The following C10orf90 variants were observed in gnomAD, a reference collection of about 807,000 sequenced individuals.
The protein encoded by C10orf90 is chromosome 10 open reading frame 90.
C10orf90 carries 56 observed loss-of-function variants against 62.5 expected under a neutral mutation model. The ratio of observed to expected loss-of-function variants is 0.90; its 90% CI spans 0.72 to 1.12. The LOEUF (loss-of-function observed/expected upper bound fraction) is 1.12. Ranked by LOEUF, C10orf90 falls within the 50% of genes most tolerant of loss-of-function variation. The probability of loss-of-function intolerance (pLI) is 0.00; values close to 1 mark genes in which losing one functional copy is unlikely to be tolerated. For missense variants in C10orf90, 970 were observed against 880.4 expected (o/e 1.10, Z -1.29); for synonymous variants, 386 against 340.4 (o/e 1.13, Z -1.47).
chr10:126,468,362 T>C (rs1001382046), intron 4 of C10orf90, among the ~76,000 whole-genome samples: 2 of 152,216 alleles, frequency 1.3e-5, no homozygotes, highest in Non-Finnish European at 2.9e-5. Context: ...CCGCCGCGCC[T>C]GGCCAAAAGC....
chr10:126,566,863 C>T (rs753910495), intron 2 of C10orf90, among the ~76,000 whole-genome samples: 15 of 152,082 alleles, frequency 9.9e-5, no homozygotes, highest in African/African-American at 3.4e-4. Flanking sequence ...GAGCACACAT[C>T]GGGAAGACAG....
At chr10:126,563,607 T>C (rs1049367632) in intron 2 of C10orf90, among the ~76,000 whole-genome samples, 2 of 152,172 alleles carry the variant, frequency 1.3e-5, no homozygotes, top group African/African-American at 4.8e-5. Flanking sequence ...CCAATCCACA[T>C]TGATGGCTGT....
intron 2 of C10orf90, among the ~76,000 whole-genome samples, chr10:126,628,962 C>T (rs919562487): frequency 6.6e-6 from 1 of 152,208 alleles, no homozygotes; most frequent in Non-Finnish European, 1.5e-5. Context: ...TACCCCGTGG[C>T]ACACCCTGGC....
At chr10:126,667,347 C>T (rs985374038) in intron 1 of C10orf90, among the ~76,000 whole-genome samples, 1 of 152,106 alleles carries the variant, frequency 6.6e-6, no homozygotes, top group African/African-American at 2.4e-5. Context: ...CGTGAGCCAC[C>T]ACACCCAGCT....
chr10:126,609,540 A>G (rs1845387014), intron 2 of C10orf90, among the ~76,000 whole-genome samples: 1 of 152,216 alleles, frequency 6.6e-6, no homozygotes, highest in African/African-American at 2.4e-5. Flanking sequence ...ATCAACAGGT[A>G]CTGGGGAAAC....
intron 2 of C10orf90, chr10:126,524,802 C>T (rs559623695): frequency 9.1e-6 from 9 of 985,364 alleles, no homozygotes; most frequent in African/African-American, 7.0e-5. Flanking sequence ...TGGGGGCCAT[C>T]GAGGGAGGGC....
intron 2 of C10orf90, among the ~76,000 whole-genome samples, chr10:126,559,640 G>A (rs2133986174): frequency 6.6e-6 from 1 of 152,220 alleles, no homozygotes; most frequent in East Asian, 1.9e-4. Flanking sequence ...AGTGCTGGTG[G>A]AATTGATCGG....
At chr10:126,499,813 C>T (rs903725138) in intron 4 of C10orf90, among the ~76,000 whole-genome samples, 2 of 152,272 alleles carry the variant, frequency 1.3e-5, no homozygotes, top group East Asian at 1.9e-4. Context: ...ATGTGGACAG[C>T]GTATTCACTA....
intron 2 of C10orf90, among the ~76,000 whole-genome samples, chr10:126,529,327 A>C (rs1864032438): frequency 6.6e-6 from 1 of 152,204 alleles, no homozygotes; most frequent in African/African-American, 2.4e-5. Flanking sequence ...TGTCTTTAGA[A>C]TATTCCCAAA....
In C10orf90 at chr10:126,504,678, G is replaced by T; in HGVS notation, c.813C>A (p.Phe271Leu). ...CATTGGCCAGAGCCGGGGGCGCCTG[G>T]AACAGTGTGTCCTCAGCCCTGCACT... The part of the protein sequence containing the change: ...CPKCRAEDTL[F>L]QAPPALANGA... Residue 271 changes from phenylalanine to leucine, a missense_variant, in exon 4 of 10, where the codon TTC (phenylalanine) becomes TTA (leucine). Transcript: ENST00000488181. This position sits in a 1 kb window ranked among gnomAD's most constrained non-coding sequence, Gnocchi z 4.1. 6.2e-7 allele frequency: 1 copy of T among 1,614,086 alleles called. No homozygotes were observed. Among genetic ancestry groups the T allele is most frequent in the Non-Finnish European group, 8.5e-7 (1 of 1,179,992 alleles).
At chr10:126,615,608 C>T (rs1238057886) in intron 2 of C10orf90, among the ~76,000 whole-genome samples, 1 of 151,994 alleles carries the variant, frequency 6.6e-6, no homozygotes, top group Non-Finnish European at 1.5e-5. Flanking sequence ...ATGTTTTACC[C>T]CCCTAAGCTT....
chr10:126,433,748 AAAAC>A (rs1857734609), intron 7 of C10orf90, among the ~76,000 whole-genome samples: 1 of 152,200 alleles, frequency 6.6e-6, no homozygotes, highest in African/African-American at 2.4e-5. Context: ...AAAACAAAAC[AAAAC>A]AGAGAAATCC....
At chr10:126,454,919 T>C (rs1023778034) in intron 7 of C10orf90, among the ~76,000 whole-genome samples, 2 of 152,084 alleles carry the variant, frequency 1.3e-5, no homozygotes, top group Non-Finnish European at 1.5e-5. Context: ...GAGAGGCCCT[T>C]GGGTTGGAGT....
At chr10:126,629,106 T>C (rs533453325) in intron 2 of C10orf90, among the ~76,000 whole-genome samples, 118 of 152,302 alleles carry the variant, frequency 7.7e-4, no homozygotes, top group African/African-American at 2.7e-3. Flanking sequence ...CTCATCAGGA[T>C]TGGAAGACAG....
chr10:126,533,311 A>C (rs1348022346), intron 2 of C10orf90, among the ~76,000 whole-genome samples: 10 of 152,126 alleles, frequency 6.6e-5, no homozygotes, highest in Admixed American at 5.9e-4. Flanking sequence ...TCTTGGCTTC[A>C]TAGATAATAT....
At chr10:126,472,050 C>T (rs1860612341) in intron 4 of C10orf90, among the ~76,000 whole-genome samples, 1 of 152,164 alleles carries the variant, frequency 6.6e-6, no homozygotes, top group Non-Finnish European at 1.5e-5. Context: ...ATCTTTCTAC[C>T]TTCCTTTCAG....
intron 2 of C10orf90, among the ~76,000 whole-genome samples, chr10:126,559,681 C>G (rs776229161): frequency 2.6e-5 from 4 of 152,164 alleles, no homozygotes; most frequent in Non-Finnish European, 5.9e-5. Context: ...TGGATTATCT[C>G]TGCCATCTCT....
At chr10:126,436,732 G>C (rs1857944782) in intron 7 of C10orf90, among the ~76,000 whole-genome samples, 1 of 152,130 alleles carries the variant, frequency 6.6e-6, no homozygotes, top group African/African-American at 2.4e-5. Flanking sequence ...CACAATCATG[G>C]CTTACTGCAG....
intron 4 of C10orf90, among the ~76,000 whole-genome samples, chr10:126,489,155 T>C (rs572578514): frequency 1.6e-4 from 24 of 152,234 alleles, no homozygotes; most frequent in African/African-American, 5.3e-4. Context: ...TCCGGCAATA[T>C]ATTTATTTTT....
Sources: gnomAD v4.1 joint callset for allele counts (sites outside exome capture counted in the v4.1 genomes callset) on GRCh38, gnomAD v4.1.1 for gene constraint, Gnocchi (gnomAD v3.1) non-coding constraint, MANE v1.5 for transcripts, NCBI Gene and HGNC (gene_info 2026-07-23, HGNC 2026-07-21) for gene names.